STAB1: variants seen among roughly 807,000 people sequenced by gnomAD.
STAB1 encodes the protein stabilin 1.
Under a neutral mutation model 332.4 loss-of-function variants are expected in STAB1, and 250 were observed. That is an observed-to-expected ratio of 0.75 (90% confidence interval 0.68 to 0.84). The LOEUF (loss-of-function observed/expected upper bound fraction) is 0.84. STAB1 is among the 40% of genes least tolerant of loss of function. The probability of loss-of-function intolerance (pLI) is 0.00; values close to 1 mark genes in which losing one functional copy is unlikely to be tolerated. For synonymous variants in STAB1, 1,475 were observed against 1,390.4 expected, an observed-to-expected ratio of 1.06 and a Z score of -1.35; for missense variants, 3,249 against 3,489.7, an observed-to-expected ratio of 0.93 and a Z score of 1.74.
At position 52,516,564 on chromosome 3, in the gene STAB1, T is replaced by C. The variant is rs754091207; in HGVS notation, c.4263T>C (p.Pro1421=). 6.2e-7 allele frequency: 1 copy of C among 1,613,048 alleles called. No individual in the cohort carries two copies. The highest frequency in any genetic ancestry group is 1.1e-5 in the South Asian group (1 of 91,074). ...CAGAAATCACCAGCCCTCAGTGCCCTAGGAAGTGCGACCCCAATGCCAAGT... is the reference window on the plus strand; with the variant it reads ...CAGAAATCACCAGCCCTCAGTGCCCCAGGAAGTGCGACCCCAATGCCAAGT... ...CDQKITSPQC[P]RKCDPNANCV... The change falls in exon 40 of 69, where the codon CCT becomes CCC. Residue 1421 remains proline, a synonymous_variant. Coordinates refer to ENST00000321725, the MANE Select transcript of STAB1 (RefSeq NM_015136.3).
At chr3:52,515,338 G>A (rs2078824770) in intron 36 of STAB1, 85 bp from the exon 37 acceptor site, 5 of 1,319,214 alleles carry the variant, frequency 3.8e-6, no homozygotes, top group South Asian at 1.2e-5. Context: ...CCTGACACCT[G>A]TAGTCCATCT....
intron 57 of STAB1, 33 bp from the exon 58 acceptor site, chr3:52,521,811 A>G: frequency 6.3e-7 from 1 of 1,593,596 alleles, no homozygotes; most frequent in Non-Finnish European, 8.6e-7. Context: ...GCAACTACTA[A>G]CCTGGTTCTG....
In STAB1 at chr3:52,517,129, C is replaced by A; in HGVS notation, c.4489+20C>A. ...GCCAGGGTGAGACTAGGCCCCTAACCTGGGTTTATGTTGGGCTAGGGGTCT... is the reference window on the plus strand; with the variant it reads ...GCCAGGGTGAGACTAGGCCCCTAACATGGGTTTATGTTGGGCTAGGGGTCT... On this transcript the variant is annotated intron_variant, in intron 42 of 68. Coordinates refer to ENST00000321725, the MANE Select transcript of STAB1 (RefSeq NM_015136.3). The A allele has an allele frequency of 6.6e-7, 1 of 1,524,760 alleles. No homozygotes were observed. The highest frequency in any genetic ancestry group is 1.4e-5 in the African/African-American group (1 of 72,046). 94.5% of individuals were successfully genotyped at this position (1,524,760 alleles called of 1,614,324 possible). A position where few individuals can be genotyped will look rare whatever the true frequency, so the allele number is the denominator to read the frequency against.
chr3:52,524,164 C>CT lies in STAB1; in HGVS notation c.7608dup (p.Val2537CysfsTer13). ...GAAGGGACCAACCCCACCCTGGTCT[C>CT]TGTCCCCAACCCTGTCTTTGGCAGC... is the stretch of plus-strand genomic sequence containing the variant. On this transcript the variant is annotated frameshift_variant, in exon 68 of 69. Coordinates refer to ENST00000321725, the MANE Select transcript of STAB1 (RefSeq NM_015136.3). LOFTEE classifies it high-confidence loss of function. The CT allele has an allele frequency of 6.2e-7, 1 of 1,614,102 alleles. No homozygotes were observed. The highest frequency in any genetic ancestry group is 8.5e-7 in the Non-Finnish European group (1 of 1,180,042).
rs760708259 is a variant in STAB1 at position 52,505,876 on chromosome 3, CT to C, written c.1696-6del. ...CCAGGAGCCAAACCCTCTCTCTCCC[CT>C]GCCAGGGTCTCTCTAAACTGCAGGA... On this transcript the variant is annotated splice_region_variant and splice_polypyrimidine_tract_variant and intron_variant, in intron 15 of 68. Transcript: ENST00000321725. 1.9e-6 allele frequency: 3 copies of C among 1,614,028 alleles called. No individual in the cohort carries two copies. The East Asian group carries it at 6.7e-5, about 36-fold the overall frequency.
At chr3:52,511,150 G>A (rs1401449273) in intron 25 of STAB1, among the ~76,000 whole-genome samples, 2 of 152,220 alleles carry the variant, frequency 1.3e-5, no homozygotes, top group African/African-American at 4.8e-5. Context: ...ATGAGCCAGT[G>A]AGATGCTCCC....
intron 17 of STAB1, 144 bp downstream of exon 17, chr3:52,506,394 G>C (rs761136088): frequency 9.6e-5 from 78 of 812,000 alleles, no homozygotes; most frequent in Non-Finnish European, 1.4e-4. Flanking sequence ...GAAGCAGGCA[G>C]AGATCAAATT....
In STAB1 at chr3:52,521,840, A is replaced by T; in HGVS notation, c.6164-4A>T. Reference sequence around the variant, plus strand: ...GGTTCTGGGGGCTGGGCCCTGGGGGACAGAGCTGCAGCCTGTGTGTACCCC... The same window carrying T: ...GGTTCTGGGGGCTGGGCCCTGGGGGTCAGAGCTGCAGCCTGTGTGTACCCC... On this transcript the variant is annotated splice_polypyrimidine_tract_variant and splice_region_variant and intron_variant, in intron 57 of 68. Coordinates refer to ENST00000321725, the MANE Select transcript of STAB1 (RefSeq NM_015136.3). 6.3e-7 allele frequency: 1 copy of T among 1,594,020 alleles called. No individual in the cohort carries two copies. The highest frequency in any genetic ancestry group is 8.6e-7 in the Non-Finnish European group (1 of 1,168,720).
Position 52,520,876 on chromosome 3 carries a change from C to T in STAB1, c.5779C>T (p.Arg1927Cys), listed in dbSNP as rs761753155. 1.3e-5 allele frequency: 21 copies of T among 1,612,366 alleles called. No individual in the cohort carries two copies. Among genetic ancestry groups the T allele is most frequent in the East Asian group, 4.5e-5 (2 of 44,888 alleles). The stretch of plus-strand genomic sequence containing the variant: ...CCCTCCGCTGCACTCTTTGGGATTA[C>T]GCAGCGTCTGGGTCCACCCCAGCCT... ...TSPPLHSLGLRSVWVHPSLWG... is the reference protein window; with the variant it reads ...TSPPLHSLGLCSVWVHPSLWG... The change falls in exon 55 of 69, where the codon CGC becomes TGC. Residue 1927 changes from arginine (R) to cysteine (C), a missense_variant. Physicochemically the swap from Arg to Cys is radical, Grantham distance 180. Coordinates refer to ENST00000321725, the MANE Select transcript of STAB1 (RefSeq NM_015136.3).
intron 45 of STAB1, 50 bp downstream of exon 45, chr3:52,518,053 G>A: frequency 6.4e-7 from 1 of 1,559,424 alleles, no homozygotes. Context: ...TGTGCCCCAT[G>A]GGCCTGACCC....
chr3:52,504,597 C>T (rs372300826), intron 11 of STAB1, 48 bp downstream of exon 11: 2 of 1,612,704 alleles, frequency 1.2e-6, no homozygotes, highest in Non-Finnish European at 1.7e-6. Context: ...TCACCTCCTC[C>T]CCTGGATGCA....
chr3:52,524,110 A>C lies in STAB1; in HGVS notation c.7553A>C (p.Asp2518Ala), dbSNP rs747997416. The C allele has an allele frequency of 1.9e-6, 3 of 1,613,512 alleles. No homozygotes were observed. Among genetic ancestry groups the C allele is most frequent in the East Asian group, 2.2e-5 (1 of 44,882 alleles). Residue 2518 changes from aspartate to alanine, a missense_variant, in exon 68 of 69, where the codon GAT (aspartate) becomes GCT (alanine). Physicochemically the swap from Asp to Ala is moderately radical, Grantham distance 126. Coordinates refer to ENST00000321725, the MANE Select transcript of STAB1 (RefSeq NM_015136.3). ...CTCTGCTGCTCCCAGGCGGAAGATG[A>C]TGCTGATGACGACTTCTCACCGTGG... The part of the protein sequence containing the change: ...FGFSAFQAED[D>A]ADDDFSPWQE...
intron 1 of STAB1, among the ~76,000 whole-genome samples, chr3:52,499,898 CAAA>C (rs4045133): frequency 2.7e-5 from 1 of 37,040 alleles, no homozygotes; most frequent in Non-Finnish European, 4.4e-5. Context: ...GACTCCATCT[CAAA>C]AAAAAAAAAA....
At position 52,507,975 on chromosome 3, in the gene STAB1, G is replaced by A. The variant is rs773008984; in HGVS notation, c.2097G>A (p.Gly699=). The part of the protein sequence containing the change: ...KECVYIHDPT[G]LNVLKKGCAS... The stretch of plus-strand genomic sequence containing the variant: ...GTGTCTACATCCATGACCCAACGGG[G>A]CTCAATGTGCTAAAGAAGGGCTGTG... Residue 699 remains glycine, a synonymous_variant, in exon 20 of 69, where the codon GGG becomes GGA. Coordinates refer to ENST00000321725, the MANE Select transcript of STAB1 (RefSeq NM_015136.3). The A allele has an allele frequency of 6.2e-7, 1 of 1,613,698 alleles. No individual in the cohort carries two copies. The highest frequency in any genetic ancestry group is 8.5e-7 in the Non-Finnish European group (1 of 1,179,998).
At chr3:52,498,675 C>A (rs1708219776) in intron 1 of STAB1, among the ~76,000 whole-genome samples, 1 of 152,230 alleles carries the variant, frequency 6.6e-6, no homozygotes, top group African/African-American at 2.4e-5. Context: ...CAGAGCTGAC[C>A]ACCATTCCTC....
intron 26 of STAB1, 90 bp from the exon 27 acceptor site, chr3:52,512,251 T>C (rs1709349711): frequency 1.6e-6 from 2 of 1,252,808 alleles, no homozygotes; most frequent in Non-Finnish European, 2.3e-6. Flanking sequence ...GGGCTGGGGC[T>C]GGGTGGCTGG....
chr3:52,511,658 C>A lies in STAB1; in HGVS notation c.2796C>A (p.Cys932Ter), dbSNP rs750573624. ...GTTCCTAACCTTTCCAGAGCCGATG[C>A]ACCTGCAAGCTGGGCTTTGCCGGGG... ...CSYVGPGQSR[C>*]TCKLGFAGDG... is the part of the protein sequence containing the mutation. The change falls in exon 26 of 69, where the codon TGC becomes TGA. Residue 932 changes from cysteine (C) to a stop codon, truncating the protein, a stop_gained. Coordinates refer to ENST00000321725, the MANE Select transcript of STAB1 (RefSeq NM_015136.3). LOFTEE classifies it high-confidence loss of function. The A allele has an allele frequency of 6.2e-7, 1 of 1,609,922 alleles. No individual in the cohort carries two copies. Among genetic ancestry groups the A allele is most frequent in the African/African-American group, 1.3e-5 (1 of 74,852 alleles).
chr3:52,504,047 G>A lies in STAB1; in HGVS notation c.1042G>A (p.Glu348Lys), dbSNP rs754318051. The change falls in exon 10 of 69, where the codon GAG becomes AAG. Residue 348 changes from glutamate to lysine, a missense_variant. Coordinates refer to ENST00000321725, the MANE Select transcript of STAB1 (RefSeq NM_015136.3). Reference protein sequence around the residue: ...GKTSCVCRESEVGDGRACYGH... With the variant: ...GKTSCVCRESKVGDGRACYGH... Reference sequence around the variant, plus strand: ...GCCCAGCTGTGTGTGCAGGGAAAGCGAGGTGGGGGATGGGCGTGCCTGCTA... The same window carrying A: ...GCCCAGCTGTGTGTGCAGGGAAAGCAAGGTGGGGGATGGGCGTGCCTGCTA... The A allele has an allele frequency of 3.1e-6, 5 of 1,596,152 alleles. No homozygotes were observed. The highest frequency in any genetic ancestry group is 4.3e-6 in the Non-Finnish European group (5 of 1,171,516).
At chr3:52,509,791 A>G in intron 22 of STAB1, 79 bp from the exon 23 acceptor site, 4 of 1,533,166 alleles carry the variant, frequency 2.6e-6, no homozygotes, top group East Asian at 2.3e-5. Context: ...CACTCCCTAT[A>G]TCCCCCAAAC....
Sources: gnomAD v4.1 joint callset for allele counts (sites outside exome capture counted in the v4.1 genomes callset) on GRCh38, gnomAD v4.1.1 for gene constraint, MANE v1.5 for transcripts, NCBI Gene and HGNC (gene_info 2026-07-23, HGNC 2026-07-21) for gene names.